AUH: variants seen among roughly 807,000 people sequenced by gnomAD.
The protein encoded by AUH is methylglutaconyl-CoA hydratase, mitochondrial.
A neutral mutation model predicts 42.3 loss-of-function variants in AUH; 29 were observed. The ratio of observed to expected loss-of-function variants is 0.69; its 90% CI spans 0.51 to 0.93. The LOEUF is 0.93. Among genes scored for constraint, AUH ranks in the 40% least tolerant of loss-of-function variants. AUH has a pLI of 0.00. For missense variants in AUH, 452 were observed against 438.1 expected (o/e 1.03, Z -0.28); for synonymous variants, 174 against 166.4 (o/e 1.05, Z -0.35).
chr9:91,266,118 T>C (rs1829963659), intron 6 of AUH, among the ~76,000 whole-genome samples: 1 of 152,072 alleles, frequency 6.6e-6, no homozygotes, highest in African/African-American at 2.4e-5. Flanking sequence ...ATCCCAGCAC[T>C]TTGGGAGGCT....
intron 3 of AUH, among the ~76,000 whole-genome samples, chr9:91,337,521 C>A (rs1293152596): frequency 6.6e-6 from 1 of 152,174 alleles, no homozygotes; most frequent in Non-Finnish European, 1.5e-5. Context: ...TTGAAGGGCT[C>A]CAGCTTGGAT....
chr9:91,216,291 A>G (rs185535432), intron 8 of AUH, among the ~76,000 whole-genome samples, 185 bp from the exon 9 acceptor site: 4 of 152,242 alleles, frequency 2.6e-5, no homozygotes, highest in African/African-American at 9.6e-5. Context: ...TGACTCCCTC[A>G]CTTGGGAGCT....
At chr9:91,252,602 C>T (rs1057305314) in intron 6 of AUH, among the ~76,000 whole-genome samples, 8 of 152,134 alleles carry the variant, frequency 5.3e-5, no homozygotes, top group Non-Finnish European at 1.0e-4. Flanking sequence ...CCCAACCCCA[C>T]CCAGCTAGAG....
intron 6 of AUH, among the ~76,000 whole-genome samples, chr9:91,293,474 T>A (rs1396006688): frequency 1.3e-5 from 2 of 152,178 alleles, no homozygotes; most frequent in African/African-American, 4.8e-5. Context: ...GTAAAGAAGA[T>A]CAAACTAGCC....
At chr9:91,328,903 A>C (rs1177135255) in intron 3 of AUH, among the ~76,000 whole-genome samples, 2 of 152,138 alleles carry the variant, frequency 1.3e-5, no homozygotes, top group Non-Finnish European at 2.9e-5. Context: ...TCACAAAAAG[A>C]TCTCTCATGC....
intron 6 of AUH, among the ~76,000 whole-genome samples, chr9:91,262,834 G>T (rs762251954): frequency 6.6e-6 from 1 of 152,142 alleles, no homozygotes; most frequent in Non-Finnish European, 1.5e-5. Context: ...AGTTGTTTCT[G>T]CCAGGATGAA....
At chr9:91,249,528 A>C (rs1485686758) in intron 6 of AUH, among the ~76,000 whole-genome samples, 3 of 151,962 alleles carry the variant, frequency 2.0e-5, no homozygotes, top group African/African-American at 7.2e-5. Context: ...TTTTTTGGTA[A>C]CACCGACATA....
intron 4 of AUH, among the ~76,000 whole-genome samples, chr9:91,315,347 C>T (rs12683385): frequency 0.02 from 3,018 of 152,284 alleles, 86 homozygotes; most frequent in African/African-American, 0.06. Context: ...AGCTCAAATG[C>T]GCATGTGCCT....
intron 3 of AUH, among the ~76,000 whole-genome samples, chr9:91,346,245 C>A (rs182849050): frequency 8.8e-4 from 134 of 152,196 alleles, no homozygotes; most frequent in African/African-American, 3.1e-3. Context: ...AGTGCCCTAC[C>A]CACACCTTCA....
At chr9:91,335,447 A>G (rs1830624886) in intron 3 of AUH, among the ~76,000 whole-genome samples, 1 of 152,032 alleles carries the variant, frequency 6.6e-6, no homozygotes, top group Non-Finnish European at 1.5e-5. Context: ...TCCCTCACTC[A>G]CAATTAATCT....
chr9:91,254,364 G>C (rs939891304), intron 6 of AUH, among the ~76,000 whole-genome samples: 49 of 152,204 alleles, frequency 3.2e-4, no homozygotes, highest in African/African-American at 1.1e-3. Flanking sequence ...TCAAATGGCT[G>C]AGACGGGGTG....
At chr9:91,270,818 AAAG>A (rs1284100701) in intron 6 of AUH, among the ~76,000 whole-genome samples, 1 of 152,190 alleles carries the variant, frequency 6.6e-6, no homozygotes, top group African/African-American at 2.4e-5. Flanking sequence ...ACTTTGATAT[AAAG>A]AATAAGTTTG....
At chr9:91,218,897 A>G in intron 7 of AUH, 2 of 985,476 alleles carry the variant, frequency 2.0e-6, no homozygotes, top group Non-Finnish European at 2.4e-6. Context: ...TTTTGCAGTC[A>G]CATATTTTCT....
intron 3 of AUH, among the ~76,000 whole-genome samples, chr9:91,325,825 C>T (rs1829929259): frequency 6.6e-6 from 1 of 152,160 alleles, no homozygotes; most frequent in South Asian, 2.1e-4. Flanking sequence ...TTGCAAGGTG[C>T]TGTCAGTTTA....
At chr9:91,305,466 T>C (rs1828137549) in intron 4 of AUH, among the ~76,000 whole-genome samples, 1 of 152,192 alleles carries the variant, frequency 6.6e-6, no homozygotes, top group Non-Finnish European at 1.5e-5. Flanking sequence ...ATATGCCACA[T>C]ACCATGTTGA....
At chr9:91,250,826 C>T (rs957768170) in intron 6 of AUH, among the ~76,000 whole-genome samples, 1 of 152,188 alleles carries the variant, frequency 6.6e-6, no homozygotes, top group African/African-American at 2.4e-5. Flanking sequence ...TGTCAGACTG[C>T]GGATGACCAA....
chr9:91,238,859 C>T (rs1828338117), intron 6 of AUH, among the ~76,000 whole-genome samples: 1 of 152,162 alleles, frequency 6.6e-6, no homozygotes, highest in South Asian at 2.1e-4. Flanking sequence ...TCCCTGCTGC[C>T]TCTTGGGAGC....
At chr9:91,339,413 G>A (rs1244812666) in intron 3 of AUH, among the ~76,000 whole-genome samples, 1 of 152,190 alleles carries the variant, frequency 6.6e-6, no homozygotes, top group Non-Finnish European at 1.5e-5. Context: ...CTTTCAGTAA[G>A]TTACAGGATT....
intron 7 of AUH, chr9:91,219,106 G>A (rs1317788194): frequency 2.2e-6 from 2 of 909,732 alleles, no homozygotes; most frequent in African/African-American, 3.6e-5. Context: ...GAAGGAGGGA[G>A]CAGAGGAGAG....
Sources: gnomAD v4.1 joint callset for allele counts (sites outside exome capture counted in the v4.1 genomes callset) on GRCh38, gnomAD v4.1.1 for gene constraint, MANE v1.5 for transcripts, NCBI Gene and HGNC (gene_info 2026-07-23, HGNC 2026-07-21) for gene names.